PEPD: variants seen among roughly 807,000 people sequenced by gnomAD.
The protein encoded by PEPD is xaa-Pro dipeptidase.
PEPD carries 53 observed loss-of-function variants against 60.7 expected under a neutral mutation model. That is an observed-to-expected ratio of 0.87 (90% CI 0.70 to 1.10). The LOEUF (loss-of-function observed/expected upper bound fraction) is 1.10, where lower values mean the gene tolerates loss of function less well. Among genes scored for constraint, PEPD ranks in the 50% least tolerant of loss-of-function variants. The pLI, the probability that PEPD is intolerant of heterozygous loss-of-function variation, is 0.00. For synonymous variants in PEPD, 267 were observed against 284.1 expected, an observed-to-expected ratio of 0.94 and a Z score of 0.60; for missense variants, 711 against 711.9, an observed-to-expected ratio of 1.00 and a Z score of 0.01.
chr19:33,458,153 C>T (rs1348362696), intron 9 of PEPD, among the ~76,000 whole-genome samples: 3 of 150,210 alleles, frequency 2.0e-5, no homozygotes, highest in Non-Finnish European at 4.4e-5. Context: ...GTGGTGTGTG[C>T]ATATGGCTGT....
Position 33,429,059 on chromosome 19 carries a change from C to T in PEPD, c.672-15416G>A, listed in dbSNP as rs150868615. On this transcript the variant is annotated intron_variant, in intron 9 of 14. Coordinates refer to ENST00000244137, the MANE Select transcript of PEPD (RefSeq NM_000285.4). Reference sequence around the variant, plus strand: ...TGGGACCATAGGACTGACTCTCATCCCAAGAGGAATATGAAATGACATGTG... The same window carrying T: ...TGGGACCATAGGACTGACTCTCATCTCAAGAGGAATATGAAATGACATGTG... 4.3e-3 allele frequency among the ~76,000 whole-genome samples: 660 copies of T among 152,258 alleles called. 1 individual carries two copies. The highest frequency in any genetic ancestry group is 8.0e-3 in the Admixed American group (123 of 15,304).
intron 9 of PEPD, among the ~76,000 whole-genome samples, chr19:33,419,441 G>A (rs1968962942): frequency 6.6e-6 from 1 of 152,224 alleles, no homozygotes. Flanking sequence ...ACAACCCTTT[G>A]GGGGCTGAGG....
At chr19:33,400,606 G>A (rs1043098522) in intron 12 of PEPD, among the ~76,000 whole-genome samples, 3 of 152,234 alleles carry the variant, frequency 2.0e-5, no homozygotes, top group African/African-American at 4.8e-5. Context: ...CCTGTAGAGG[G>A]CCAGGCCTAG....
intron 12 of PEPD, among the ~76,000 whole-genome samples, chr19:33,400,620 T>C (rs1600084596): frequency 6.6e-6 from 1 of 152,068 alleles, no homozygotes; most frequent in Non-Finnish European, 1.5e-5. Flanking sequence ...GGCCTAGGGG[T>C]TGGCCAGCAC....
At chr19:33,476,566 G>GC (rs1288956818) in intron 7 of PEPD, among the ~76,000 whole-genome samples, 2 of 152,092 alleles carry the variant, frequency 1.3e-5, no homozygotes, top group Non-Finnish European at 2.9e-5. Flanking sequence ...GCCCTCCACT[G>GC]CCAGCTGGAC....
intron 12 of PEPD, among the ~76,000 whole-genome samples, chr19:33,395,625 G>A (rs758102119): frequency 6.6e-6 from 1 of 152,172 alleles, no homozygotes; most frequent in African/African-American, 2.4e-5. Context: ...GCTGGGCCTA[G>A]GGCCCAGGCC....
chr19:33,421,321 C>T (rs1969012867), intron 9 of PEPD, among the ~76,000 whole-genome samples: 1 of 152,146 alleles, frequency 6.6e-6, no homozygotes, highest in Admixed American at 6.5e-5. Context: ...CTGAAACTTC[C>T]TCCTCTCCAT....
chr19:33,521,164 A>T (rs1354767482), intron 1 of PEPD, among the ~76,000 whole-genome samples: 1 of 152,264 alleles, frequency 6.6e-6, no homozygotes, highest in Non-Finnish European at 1.5e-5. Flanking sequence ...GCTACTGAGA[A>T]GCAGGTAACA....
At position 33,401,738 on chromosome 19, in the gene PEPD, A is replaced by G. The variant is rs1447436960; in HGVS notation, c.950T>C (p.Met317Thr). The G allele has an allele frequency of 1.2e-6, 2 of 1,608,666 alleles. No individual in the cohort carries two copies. Reference protein sequence around the residue: ...EAVLRSSRAVMGAMKPGVWWP... With the variant: ...EAVLRSSRAVTGAMKPGVWWP... Reference sequence around the variant, plus strand: ...CTGCTCACCTGGCTTCATGGCACCCATGACGGCACGGGAGCTCCGCAGCAC... The same window carrying G: ...CTGCTCACCTGGCTTCATGGCACCCGTGACGGCACGGGAGCTCCGCAGCAC... Residue 317 changes from methionine (M) to threonine (T), a missense_variant, in exon 12 of 15, where the codon ATG (methionine) becomes ACG (threonine). Met to Thr is a moderately conservative substitution (Grantham distance 81). Coordinates refer to ENST00000244137, the MANE Select transcript of PEPD (RefSeq NM_000285.4).
intron 9 of PEPD, among the ~76,000 whole-genome samples, chr19:33,444,465 T>C (rs771419185): frequency 6.6e-6 from 1 of 151,080 alleles, no homozygotes; most frequent in Non-Finnish European, 1.5e-5. Context: ...ATGCATGCCA[T>C]GTGGGGCCTG....
At chr19:33,432,310 G>A (rs550379310) in intron 9 of PEPD, among the ~76,000 whole-genome samples, 1 of 152,326 alleles carries the variant, frequency 6.6e-6, no homozygotes, top group East Asian at 1.9e-4. Context: ...GTCTGCACAC[G>A]GAGGTATCCC....
intron 9 of PEPD, among the ~76,000 whole-genome samples, chr19:33,416,835 G>A (rs1968901050): frequency 6.6e-6 from 1 of 152,232 alleles, no homozygotes; most frequent in African/African-American, 2.4e-5. Context: ...CATGAGTGGT[G>A]AATAACGAGG....
chr19:33,486,466 C>G (rs1438251659), intron 6 of PEPD, among the ~76,000 whole-genome samples: 1 of 152,114 alleles, frequency 6.6e-6, no homozygotes, highest in Non-Finnish European at 1.5e-5. Context: ...ACCCTTCACG[C>G]TACTGTCATC....
At chr19:33,424,470 G>A (rs995188680) in intron 9 of PEPD, among the ~76,000 whole-genome samples, 15 of 152,194 alleles carry the variant, frequency 9.9e-5, no homozygotes, top group African/African-American at 2.7e-4. Context: ...ACCTGTTCGC[G>A]TCTGACCCAA....
intron 9 of PEPD, among the ~76,000 whole-genome samples, chr19:33,414,777 G>A (rs1568459630): frequency 1.3e-5 from 2 of 152,192 alleles, no homozygotes. Flanking sequence ...ATGCAGGAAC[G>A]GCTGTGGTAG....
chr19:33,458,014 G>C (rs1268739099), intron 9 of PEPD, among the ~76,000 whole-genome samples: 1 of 152,334 alleles, frequency 6.6e-6, no homozygotes, highest in South Asian at 2.1e-4. Context: ...TATGTGGTAT[G>C]TCAATGGGTG....
chr19:33,443,579 A>C (rs780236171), intron 9 of PEPD, among the ~76,000 whole-genome samples: 2 of 152,236 alleles, frequency 1.3e-5, no homozygotes, highest in Non-Finnish European at 2.9e-5. Flanking sequence ...AATTTCTTTA[A>C]GGATTTAAAT....
intron 9 of PEPD, among the ~76,000 whole-genome samples, chr19:33,451,425 T>C (rs1969698315): frequency 6.6e-6 from 1 of 152,230 alleles, no homozygotes; most frequent in Non-Finnish European, 1.5e-5. Flanking sequence ...TCTTTTTTTC[T>C]TGATTTAAAG....
At chr19:33,457,345 C>A (rs935436249) in intron 9 of PEPD, among the ~76,000 whole-genome samples, 1 of 152,096 alleles carries the variant, frequency 6.6e-6, no homozygotes, top group African/African-American at 2.4e-5. Flanking sequence ...GCGGGAGGAT[C>A]ACTTGAGCCC....
Sources: gnomAD v4.1 joint callset for allele counts (sites outside exome capture counted in the v4.1 genomes callset) on GRCh38, gnomAD v4.1.1 for gene constraint, MANE v1.5 for transcripts, NCBI Gene and HGNC (gene_info 2026-07-23, HGNC 2026-07-21) for gene names.